The following GRIP1 variants were observed in gnomAD, a reference collection of about 807,000 sequenced individuals.
GRIP1 encodes glutamate receptor interacting protein 1, also known as glutamate receptor-interacting protein 1.
In GRIP1, 45 loss-of-function variants were observed where a neutral mutation model predicts 129.9. The observed-to-expected ratio is 0.35, with a 90% CI of 0.27 to 0.44. GRIP1 has a LOEUF of 0.44. GRIP1 is among the 20% of genes least tolerant of loss of function. The pLI, the probability that GRIP1 is intolerant of heterozygous loss-of-function variation, is 1.00. For synonymous variants in GRIP1, 530 were observed against 520.8 expected, an observed-to-expected ratio of 1.02 and a Z score of -0.24; for missense variants, 1,196 against 1,396.8, an observed-to-expected ratio of 0.86 and a Z score of 2.29.
intron 8 of GRIP1, 68 bp from the exon 9 acceptor site, chr12:66,463,161 T>C: frequency 1.6e-6 from 2 of 1,284,554 alleles, no homozygotes; most frequent in Non-Finnish European, 2.3e-6. Context: ...TTCATGTCCT[T>C]CATAGTTAAA....
intron 1 of GRIP1, among the ~76,000 whole-genome samples, chr12:66,645,017 A>G (rs1182762428): frequency 6.6e-6 from 1 of 152,210 alleles, no homozygotes; most frequent in African/African-American, 2.4e-5. Flanking sequence ...AGTTATTATT[A>G]GAGGAATTTA....
intron 13 of GRIP1, among the ~76,000 whole-genome samples, chr12:66,440,682 C>T (rs542665664): frequency 6.6e-6 from 1 of 152,230 alleles, no homozygotes; most frequent in African/African-American, 2.4e-5. Context: ...TATCTCTTCT[C>T]TCCCTCATTC....
chr12:66,446,294 C>T (rs1565746395), intron 11 of GRIP1, among the ~76,000 whole-genome samples: 1 of 152,090 alleles, frequency 6.6e-6, no homozygotes, highest in East Asian at 1.9e-4. Flanking sequence ...TGCTCCACTC[C>T]TCCATGTCTT....
intron 2 of GRIP1, among the ~76,000 whole-genome samples, chr12:66,553,912 T>A (rs1334582998): frequency 6.6e-6 from 1 of 152,016 alleles, no homozygotes; most frequent in Non-Finnish European, 1.5e-5. Flanking sequence ...CCATGTGAGC[T>A]CCGACAAGCC....
At chr12:66,607,789 AG>A (rs774049659) in intron 1 of GRIP1, among the ~76,000 whole-genome samples, 4 of 152,184 alleles carry the variant, frequency 2.6e-5, no homozygotes, top group Non-Finnish European at 5.9e-5. Context: ...GCTAGACTTA[AG>A]AATTTTCTGA....
intron 1 of GRIP1, among the ~76,000 whole-genome samples, chr12:66,704,955 A>T (rs933359714): frequency 6.6e-6 from 1 of 151,942 alleles, no homozygotes; most frequent in African/African-American, 2.4e-5. Context: ...TTGTTCTGAC[A>T]ATAGTTTGTC....
At chr12:66,839,367 A>C (rs1367932616) in intron 1 of GRIP1, among the ~76,000 whole-genome samples, 1 of 152,132 alleles carries the variant, frequency 6.6e-6, no homozygotes, top group African/African-American at 2.4e-5. Context: ...TATGAGGTCA[A>C]ACTGTAATAG....
At chr12:66,717,086 T>C (rs866875624) in intron 1 of GRIP1, among the ~76,000 whole-genome samples, 2 of 152,086 alleles carry the variant, frequency 1.3e-5, no homozygotes, top group Non-Finnish European at 2.9e-5. Context: ...CAAAACTTAT[T>C]CTTAGATGGA....
intron 23 of GRIP1, among the ~76,000 whole-genome samples, chr12:66,358,422 T>C (rs1464496502): frequency 6.6e-6 from 1 of 152,088 alleles, no homozygotes; most frequent in African/African-American, 2.4e-5. Flanking sequence ...GGAGAAAATA[T>C]TGTTGATTTA....
intron 1 of GRIP1, among the ~76,000 whole-genome samples, chr12:66,883,067 T>C (rs1414811702): frequency 2.0e-5 from 3 of 152,122 alleles, no homozygotes; most frequent in African/African-American, 4.8e-5. Flanking sequence ...CTACCCACTC[T>C]GCTTTGTTCA....
In GRIP1 at chr12:66,371,767, T is replaced by C; in HGVS notation, c.2939A>G (p.Lys980Arg). The change falls in exon 23 of 25, where the codon AAG (lysine) becomes AGG (arginine). Residue 980 changes from lysine (K) to arginine (R), a missense_variant. Lys to Arg is a conservative substitution (Grantham distance 26, BLOSUM62 2). This residue lies in a region of GRIP1 where 427 missense variants were observed against 463.3 expected (regional missense o/e 0.92). Coordinates refer to ENST00000359742, the MANE Select transcript of GRIP1 (RefSeq NM_001366722.1). ...TTTCATTTTTCTCAGGGTTACTGACTTCCTACCCACATCTGAAGGCAGGGT... is the reference window on the plus strand; with the variant it reads ...TTTCATTTTTCTCAGGGTTACTGACCTCCTACCCACATCTGAAGGCAGGGT... ...SNTLPSDVGR[K>R]SVTLRKMKQE... is the part of the protein sequence containing the mutation. 2 of 1,614,132 alleles carry C rather than the reference T, an allele frequency of 1.2e-6. No individual in the cohort carries two copies. Among genetic ancestry groups the C allele is most frequent in the African/African-American group, 2.7e-5 (2 of 75,054 alleles).
At chr12:66,733,570 C>A (rs1224966612) in intron 1 of GRIP1, among the ~76,000 whole-genome samples, 1 of 152,084 alleles carries the variant, frequency 6.6e-6, no homozygotes, top group Non-Finnish European at 1.5e-5. Flanking sequence ...GATGTCCAAG[C>A]AGGAAAAATG....
At chr12:66,785,069 A>G (rs2038278549) in intron 1 of GRIP1, among the ~76,000 whole-genome samples, 1 of 152,004 alleles carries the variant, frequency 6.6e-6, no homozygotes, top group African/African-American at 2.4e-5. Context: ...CTTGTACTGA[A>G]TAATATTTTA....
chr12:66,789,834 G>A (rs560520038), intron 1 of GRIP1, among the ~76,000 whole-genome samples: 19 of 152,056 alleles, frequency 1.2e-4, no homozygotes, highest in African/African-American at 4.3e-4. Context: ...AAATTACAAG[G>A]AACATGCAAA....
chr12:66,902,559 C>T (rs1239354716), intron 1 of GRIP1, among the ~76,000 whole-genome samples: 3 of 152,154 alleles, frequency 2.0e-5, no homozygotes, highest in African/African-American at 4.8e-5. Flanking sequence ...GAAGACAACT[C>T]GTGAAAACTG....
chr12:66,808,500 A>G (rs1330203424), upstream of GRIP1, among the ~76,000 whole-genome samples: 3 of 151,740 alleles, frequency 2.0e-5, no homozygotes, highest in Non-Finnish European at 4.4e-5. Flanking sequence ...TTTGTTTGAG[A>G]CGGGTTTTCA....
chr12:66,822,000 TTGTG>T (rs145504310), intron 1 of GRIP1, among the ~76,000 whole-genome samples: 4 of 150,426 alleles, frequency 2.7e-5, no homozygotes, highest in African/African-American at 7.3e-5. Context: ...CACTTCCATC[TTGTG>T]TGTGTGTGTG....
intron 2 of GRIP1, among the ~76,000 whole-genome samples, chr12:66,560,346 G>A (rs552586021): frequency 6.6e-6 from 1 of 152,180 alleles, no homozygotes; most frequent in South Asian, 2.1e-4. Context: ...AAAAGCTTCT[G>A]CACAGCAAAG....
chr12:66,958,070 T>C (rs934416625), intron 1 of GRIP1, among the ~76,000 whole-genome samples: 5 of 152,192 alleles, frequency 3.3e-5, no homozygotes, highest in Non-Finnish European at 7.3e-5. Flanking sequence ...AATTGCCCCA[T>C]CTTTGGTCAT....
Sources: gnomAD v4.1 joint callset for allele counts (sites outside exome capture counted in the v4.1 genomes callset) on GRCh38, gnomAD v4.1.1 for gene constraint, gnomAD v4.1.1 regional missense constraint, MANE v1.5 for transcripts, NCBI Gene and HGNC (gene_info 2026-07-23, HGNC 2026-07-21) for gene names.